BAZ2B: variants seen among roughly 807,000 people sequenced by gnomAD.
BAZ2B encodes the protein bromodomain adjacent to zinc finger domain 2B, also known as bromodomain adjacent to zinc finger domain protein 2B.
In BAZ2B, 91 loss-of-function variants were observed where a neutral mutation model predicts 246.0. The observed-to-expected ratio is 0.37, with a 90% confidence interval of 0.31 to 0.44. The LOEUF (loss-of-function observed/expected upper bound fraction) is 0.44. Among genes scored for constraint, BAZ2B ranks in the 20% least tolerant of loss-of-function variants. The pLI is 1.00. For synonymous variants in BAZ2B, 855 were observed against 860.0 expected (o/e 0.99, Z 0.10); for missense variants, 2,332 against 2,533.7 (o/e 0.92, Z 1.71).
chr2:159,316,265 A>C (rs1306759533), downstream of BAZ2B, among the ~76,000 whole-genome samples: 1 of 152,226 alleles, frequency 6.6e-6, no homozygotes, highest in Non-Finnish European at 1.5e-5. Context: ...TGAGGTTTAA[A>C]AAAAATTCCT....
At chr2:159,679,069 G>A in the BAZ2B span, among the ~76,000 whole-genome samples, 3 of 152,010 alleles carry the variant, frequency 2.0e-5, no homozygotes, top group African/African-American at 4.8e-5. Context: ...TCAGGAGGTC[G>A]AGACCATCCT....
chr2:159,519,240 T>TTTTTTTTTTC (rs1298511760), intron 2 of BAZ2B, among the ~76,000 whole-genome samples: 1 of 85,290 alleles, frequency 1.2e-5, no homozygotes, highest in African/African-American at 5.5e-5. Context: ...TTTTTTTTTT[T>TTTTTTTTTTC]GAGACGGAGT....
intron 1 of BAZ2B, among the ~76,000 whole-genome samples, chr2:159,614,795 T>C (rs1695523261): frequency 2.0e-5 from 3 of 152,170 alleles, no homozygotes; most frequent in Admixed American, 2.0e-4. Flanking sequence ...CAGTAACCTG[T>C]AAGTTACACA....
intron 2 of BAZ2B, among the ~76,000 whole-genome samples, chr2:159,552,839 A>C (rs1350245710): frequency 1.3e-5 from 2 of 152,232 alleles, no homozygotes; most frequent in Admixed American, 1.3e-4. Flanking sequence ...AGTAATAAAA[A>C]TTAAGCATTA....
At chr2:159,389,297 GA>G in intron 21 of BAZ2B, 47 bp downstream of exon 21, 1 of 1,503,078 alleles carries the variant, frequency 6.7e-7, no homozygotes, top group Admixed American at 2.3e-5. Flanking sequence ...AAGAAAACTG[GA>G]AAAATTAAAC....
At chr2:159,336,120 C>T (rs2065626408) in intron 33 of BAZ2B, among the ~76,000 whole-genome samples, 1 of 152,028 alleles carries the variant, frequency 6.6e-6, no homozygotes, top group Middle Eastern at 3.2e-3. Context: ...AAGATTGTGC[C>T]ACTGCACTCC....
intron 3 of BAZ2B, among the ~76,000 whole-genome samples, chr2:159,474,238 C>T (rs183272725): frequency 2.2e-4 from 33 of 152,196 alleles, no homozygotes; most frequent in Admixed American, 4.6e-4. Flanking sequence ...AATGTGGGTG[C>T]GCCTGTATTG....
chr2:159,452,637 A>G (rs1235675444), intron 4 of BAZ2B, among the ~76,000 whole-genome samples: 5 of 152,262 alleles, frequency 3.3e-5, no homozygotes, highest in Admixed American at 2.6e-4. Flanking sequence ...TAGAAAATAC[A>G]TACAAATTTA....
At chr2:159,640,810 A>T in the BAZ2B span, among the ~76,000 whole-genome samples, 1 of 151,954 alleles carries the variant, frequency 6.6e-6, no homozygotes, top group African/African-American at 2.4e-5. Context: ...CAGCATCATA[A>T]GACAGGATGA....
chr2:159,646,001 T>C, the BAZ2B span, among the ~76,000 whole-genome samples: 1 of 152,148 alleles, frequency 6.6e-6, no homozygotes, highest in Non-Finnish European at 1.5e-5. Context: ...ATTGATAACA[T>C]CTTACCAGGA....
chr2:159,412,600 G>T (rs1217186451), intron 13 of BAZ2B, 55 bp from the exon 14 acceptor site: 13 of 1,479,118 alleles, frequency 8.8e-6, no homozygotes, highest in Non-Finnish European at 1.2e-5. Context: ...AAACACAAGA[G>T]ATCAACATGT....
chr2:159,670,058 C>A, the BAZ2B span, among the ~76,000 whole-genome samples: 3 of 151,998 alleles, frequency 2.0e-5, no homozygotes, highest in African/African-American at 7.2e-5. Flanking sequence ...GCAACCTCCG[C>A]CTCCCGGGTT....
At chr2:159,590,247 T>G (rs1258746379) in intron 1 of BAZ2B, among the ~76,000 whole-genome samples, 20 of 80,402 alleles carry the variant, frequency 2.5e-4, no homozygotes, top group South Asian at 1.1e-3. Context: ...CAGCAAGAAC[T>G]GGCTATTGTT....
chr2:159,467,946 A>C (rs72947573), intron 3 of BAZ2B, among the ~76,000 whole-genome samples: 41,009 of 152,176 alleles, frequency 0.27, 6,895 homozygotes, highest in Non-Finnish European at 0.38. Flanking sequence ...TAAAGGTGCA[A>C]GAGGTCAGAA....
At chr2:159,593,904 C>A (rs1045076831) in intron 1 of BAZ2B, among the ~76,000 whole-genome samples, 2 of 152,186 alleles carry the variant, frequency 1.3e-5, no homozygotes, top group Non-Finnish European at 2.9e-5. Context: ...CAAGTACTAA[C>A]CAGGCCTGTC....
At chr2:159,414,741 CG>C (rs1403582731) in intron 13 of BAZ2B, among the ~76,000 whole-genome samples, 1 of 150,928 alleles carries the variant, frequency 6.6e-6, no homozygotes, top group Non-Finnish European at 1.5e-5. Flanking sequence ...GGCTTGAACT[CG>C]GGAGGCGGAG....
chr2:159,403,478 T>C (rs1176188443), intron 16 of BAZ2B, among the ~76,000 whole-genome samples: 3 of 152,112 alleles, frequency 2.0e-5, no homozygotes, highest in East Asian at 1.9e-4. Context: ...CATTAGTAAA[T>C]AGAATAAGCT....
At chr2:159,618,338 A>G (rs187001104), upstream of BAZ2B, among the ~76,000 whole-genome samples, 549 of 152,354 alleles carry the variant, frequency 3.6e-3, 4 homozygotes, top group African/African-American at 0.012. Flanking sequence ...CTTTCAAGCT[A>G]TAATTTGAGT....
Position 159,502,492 on chromosome 2 carries a change from A to G in BAZ2B, c.-2-23771T>C, listed in dbSNP as rs147894113. Among the ~76,000 whole-genome samples the G allele has an allele frequency of 5.6e-4, 85 of 151,160 alleles. 4 individuals are homozygous for G. The East Asian group carries it at 0.016, about 28-fold the overall frequency. ...GAAAAAAAAAAAAAAAAATTAGCCA[A>G]GCATGGTGGCACGTGCTTGTGGTCC... On this transcript the variant is annotated intron_variant, in intron 2 of 36. Coordinates refer to ENST00000392783, the MANE Select transcript of BAZ2B (RefSeq NM_013450.4).
Sources: allele counts gnomAD v4.1 joint callset (sites outside exome capture counted in the v4.1 genomes callset), GRCh38; gene constraint gnomAD v4.1.1; transcripts MANE v1.5; gene names NCBI Gene and HGNC (gene_info 2026-07-23, HGNC 2026-07-21).